Variants in KCNIP3 observed in about 807,000 individuals in gnomAD.
KCNIP3 encodes the protein potassium voltage-gated channel interacting protein 3, also known as calsenilin.
In KCNIP3, 28 loss-of-function variants were observed where a neutral mutation model predicts 35.0. The observed-to-expected ratio is 0.80, with a 90% confidence interval of 0.59 to 1.10. KCNIP3 has a LOEUF of 1.10. Among genes scored for constraint, KCNIP3 ranks in the 50% least tolerant of loss-of-function variants. The probability of loss-of-function intolerance (pLI) is 0.00; values close to 1 mark genes in which losing one functional copy is unlikely to be tolerated. For synonymous variants in KCNIP3, 134 were observed against 133.8 expected, an observed-to-expected ratio of 1.00 and a Z score of -0.01; for missense variants, 295 against 338.4, an observed-to-expected ratio of 0.87 and a Z score of 1.01.
chr2:95,362,050 T>C (rs1250275317), intron 2 of KCNIP3, among the ~76,000 whole-genome samples: 1 of 151,868 alleles, frequency 6.6e-6, no homozygotes, highest in African/African-American at 2.4e-5. Flanking sequence ...TCTGTCTTCA[T>C]GTGGCCTTTT....
At chr2:95,328,195 G>T (rs911858384) in intron 2 of KCNIP3, among the ~76,000 whole-genome samples, 1 of 152,332 alleles carries the variant, frequency 6.6e-6, no homozygotes, top group Admixed American at 6.5e-5. Context: ...GGGAAAATGG[G>T]CCAAACATGA....
At chr2:95,297,845 G>C (rs1166925811) in intron 1 of KCNIP3, among the ~76,000 whole-genome samples, 3 of 152,162 alleles carry the variant, frequency 2.0e-5, no homozygotes, top group Non-Finnish European at 4.4e-5. Flanking sequence ...CTGACACTGA[G>C]CCCGGGCCCC....
chr2:95,322,980 G>C (rs1388224629), intron 2 of KCNIP3, among the ~76,000 whole-genome samples: 1 of 152,240 alleles, frequency 6.6e-6, no homozygotes, highest in Non-Finnish European at 1.5e-5. Context: ...CTTTACCCAG[G>C]AATTTGGGAT....
At chr2:95,327,626 T>C (rs1366254321) in intron 2 of KCNIP3, among the ~76,000 whole-genome samples, 2 of 152,220 alleles carry the variant, frequency 1.3e-5, no homozygotes, top group African/African-American at 2.4e-5. Flanking sequence ...TTCTCTGTCT[T>C]GGGCAGGTGC....
At position 95,383,252 on chromosome 2, in the gene KCNIP3, T is replaced by G; in HGVS notation, c.681T>G (p.Asp227Glu). 2.5e-6 allele frequency: 4 copies of G among 1,613,784 alleles called. No individual in the cohort carries two copies. The highest frequency in any genetic ancestry group is 3.4e-6 in the Non-Finnish European group (4 of 1,179,874). ...TGCAGAAAATGGACCGGAACCAGGA[T>G]GGGGTAGTGACCATTGAAGAGTTCC... ...RFFEKMDRNQ[D>E]GVVTIEEFLE... The change falls in exon 8 of 9, where the codon GAT becomes GAG. Residue 227 changes from aspartate (D) to glutamate (E), a missense_variant. Physicochemically the swap from Asp to Glu is conservative, Grantham distance 45. Transcript: ENST00000295225.
chr2:95,355,583 A>C (rs2104278948), intron 2 of KCNIP3, among the ~76,000 whole-genome samples: 1 of 152,236 alleles, frequency 6.6e-6, no homozygotes, highest in Non-Finnish European at 1.5e-5. Flanking sequence ...CCTGTGAGTG[A>C]GAACATGCGG....
At chr2:95,313,800 G>A (rs1043502732) in intron 2 of KCNIP3, 1 of 152,104 alleles carries the variant, frequency 6.6e-6, no homozygotes, top group Non-Finnish European at 1.5e-5. Context: ...GTCTGAATGG[G>A]ACGAAGCCAG....
chr2:95,375,244 C>G (rs781589918), intron 5 of KCNIP3, 36 bp downstream of exon 5: 2 of 1,578,778 alleles, frequency 1.3e-6, no homozygotes, highest in African/African-American at 1.3e-5. Context: ...GTGTCCTGCC[C>G]CTGTGGTTGC....
intron 2 of KCNIP3, among the ~76,000 whole-genome samples, chr2:95,346,443 C>CGGGCG (rs1189442473): frequency 6.6e-5 from 10 of 150,486 alleles, no homozygotes; most frequent in South Asian, 2.1e-4. Context: ...TGGCCCGTGC[C>CGGGCG]GGGCGGGGCG....
intron 2 of KCNIP3, chr2:95,368,827 G>A (rs1181907083): frequency 2.3e-5 from 5 of 213,070 alleles, no homozygotes; most frequent in Admixed American, 4.8e-5. Context: ...CCTTCATGTC[G>A]TCATCAGAGT....
At chr2:95,326,967 C>T (rs1210187055) in intron 2 of KCNIP3, among the ~76,000 whole-genome samples, 9 of 152,200 alleles carry the variant, frequency 5.9e-5, no homozygotes, top group Admixed American at 1.3e-4. Context: ...GTTTACGGGT[C>T]GCCTCCTCAG....
intron 2 of KCNIP3, among the ~76,000 whole-genome samples, chr2:95,320,374 C>G (rs1678562722): frequency 6.6e-6 from 1 of 152,114 alleles, no homozygotes; most frequent in Admixed American, 6.5e-5. Flanking sequence ...TTCAGGACTC[C>G]CTCCTGCCAC....
intron 2 of KCNIP3, among the ~76,000 whole-genome samples, chr2:95,335,671 T>A (rs1001886526): frequency 1.3e-5 from 2 of 152,208 alleles, no homozygotes; most frequent in African/African-American, 4.8e-5. Flanking sequence ...TTCATCAGTT[T>A]TGGAAAATTT....
chr2:95,302,312 G>A (rs1678057285), intron 1 of KCNIP3, among the ~76,000 whole-genome samples: 1 of 152,226 alleles, frequency 6.6e-6, no homozygotes, highest in Non-Finnish European at 1.5e-5. Flanking sequence ...TTCAGGCAAG[G>A]CCAAGAATTT....
At chr2:95,339,700 T>C (rs776703846) in intron 2 of KCNIP3, among the ~76,000 whole-genome samples, 6 of 152,206 alleles carry the variant, frequency 3.9e-5, no homozygotes, top group African/African-American at 7.2e-5. Context: ...CCAAAAGCAA[T>C]TGGCTTTTCC....
intron 2 of KCNIP3, among the ~76,000 whole-genome samples, chr2:95,336,666 C>T (rs1679066889): frequency 6.6e-6 from 1 of 152,162 alleles, no homozygotes; most frequent in African/African-American, 2.4e-5. Context: ...CTATAAAGAG[C>T]ATTGAGTTTT....
intron 2 of KCNIP3, among the ~76,000 whole-genome samples, chr2:95,329,741 C>T (rs1036417137): frequency 2.0e-5 from 3 of 152,242 alleles, no homozygotes; most frequent in Non-Finnish European, 2.9e-5. Flanking sequence ...CTGGCGTGCA[C>T]GTTCCCAATT....
intron 2 of KCNIP3, among the ~76,000 whole-genome samples, chr2:95,325,434 C>G (rs1269455466): frequency 6.6e-6 from 1 of 152,132 alleles, no homozygotes; most frequent in Non-Finnish European, 1.5e-5. Flanking sequence ...AGCTTGGGGT[C>G]TGGCTGAAAG....
At chr2:95,347,184 G>A (rs1437314446) in intron 2 of KCNIP3, 1 of 1,409,190 alleles carries the variant, frequency 7.1e-7, no homozygotes. Flanking sequence ...TGGAGGGAGG[G>A]ACCAGTACCC....
Sources: gnomAD v4.1 joint callset for allele counts (sites outside exome capture counted in the v4.1 genomes callset) on GRCh38, gnomAD v4.1.1 for gene constraint, MANE v1.5 for transcripts, NCBI Gene and HGNC (gene_info 2026-07-23, HGNC 2026-07-21) for gene names.